The following AKR1D1 variants were observed in gnomAD, a reference collection of about 807,000 sequenced individuals.
AKR1D1 encodes the protein aldo-keto reductase family 1 member D1, also known as delta(4)-3-ketosteroid 5-beta-reductase.
AKR1D1 carries 32 observed loss-of-function variants against 42.6 expected under a neutral mutation model. The ratio of observed to expected loss-of-function variants is 0.75; its 90% CI spans 0.57 to 1.01. AKR1D1 has a LOEUF of 1.01. Ranked by LOEUF, AKR1D1 falls within the 50% of genes least tolerant of loss-of-function variation. The pLI, the probability that AKR1D1 is intolerant of heterozygous loss-of-function variation, is 0.00. For synonymous variants in AKR1D1, 123 were observed against 135.5 expected, an observed-to-expected ratio of 0.91 and a Z score of 0.64; for missense variants, 364 against 402.2, an observed-to-expected ratio of 0.91 and a Z score of 0.81.
chr7:138,113,644 C>T, intron 7 of AKR1D1, 46 bp from the exon 8 acceptor site: 1 of 1,562,906 alleles, frequency 6.4e-7, no homozygotes, highest in Non-Finnish European at 8.8e-7. Flanking sequence ...ACTTTCTGAT[C>T]CCAAGCTTGA....
At chr7:138,092,393 T>C (rs1794101894) in intron 3 of AKR1D1, among the ~76,000 whole-genome samples, 1 of 152,212 alleles carries the variant, frequency 6.6e-6, no homozygotes. Context: ...ATTTCTAACC[T>C]AAGTCTTAAA....
chr7:138,103,917 G>T (rs1423261494), intron 4 of AKR1D1, among the ~76,000 whole-genome samples: 1 of 152,074 alleles, frequency 6.6e-6, no homozygotes, highest in African/African-American at 2.4e-5. Context: ...ATCACTTGAG[G>T]CCAGGAGTTT....
chr7:138,100,848 G>A (rs958216642), intron 4 of AKR1D1, among the ~76,000 whole-genome samples: 9 of 151,478 alleles, frequency 5.9e-5, no homozygotes, highest in Admixed American at 4.0e-4. Context: ...GGGACTATAG[G>A]TGCCCGCCAC....
chr7:138,080,821 T>C (rs1034644948), intron 1 of AKR1D1, among the ~76,000 whole-genome samples: 1 of 152,340 alleles, frequency 6.6e-6, no homozygotes, highest in South Asian at 2.1e-4. Flanking sequence ...GATCTCACTA[T>C]GTTGCCCAGG....
chr7:138,090,377 C>G (rs1649729249), intron 2 of AKR1D1, among the ~76,000 whole-genome samples: 1 of 152,098 alleles, frequency 6.6e-6, no homozygotes, highest in African/African-American at 2.4e-5. Context: ...TGGCTCAAGC[C>G]TGTAATCCCA....
In AKR1D1 at chr7:138,097,849, T is replaced by A; in HGVS notation, c.379-17T>A. 1 of 111,984 alleles carries A rather than the reference T, an allele frequency of 8.9e-6. No homozygotes were observed. The highest frequency in any genetic ancestry group is 1.1e-5 in the Non-Finnish European group (1 of 94,764). The allele number at this position is 111,984 out of a possible 1,614,324, so 6.9% of individuals were successfully genotyped here. The stretch of plus-strand genomic sequence containing the variant: ...AAATAAAATGAATTACATTTATTCT[T>A]TTTTTTTTTTTTTCAGCCAGGAGAT... On this transcript the variant is annotated splice_polypyrimidine_tract_variant and intron_variant, in intron 3 of 8. Transcript: ENST00000242375.
Position 138,116,654 on chromosome 7 carries a change from G to A in AKR1D1, c.973G>A (p.Glu325Lys), listed in dbSNP as rs749118657. The A allele has an allele frequency of 2.5e-6, 4 of 1,614,160 alleles. No individual in the cohort carries two copies. Among genetic ancestry groups the A allele is most frequent in the Non-Finnish European group, 3.4e-6 (4 of 1,180,044 alleles). The change falls in exon 9 of 9, where the codon GAA becomes AAA. Residue 325 changes from glutamate (E) to lysine (K), a missense_variant. Transcript: ENST00000242375. ...TCATCCTGAATACCCATTTCATGAT[G>A]AATACTGACTGCAGGGAGTTCCTGA... ...RDHPEYPFHD[E>K]Y
intron 4 of AKR1D1, among the ~76,000 whole-genome samples, chr7:138,103,877 C>A (rs1794365502): frequency 6.6e-6 from 1 of 152,012 alleles, no homozygotes; most frequent in South Asian, 2.1e-4. Context: ...TGCCTATAAT[C>A]CCAGCACTTT....
At chr7:138,082,216 A>G (rs1271454250) in intron 1 of AKR1D1, among the ~76,000 whole-genome samples, 1 of 152,062 alleles carries the variant, frequency 6.6e-6, no homozygotes, top group Non-Finnish European at 1.5e-5. Context: ...TTAATTTTAG[A>G]TATCTTATCA....
At position 138,081,654 on chromosome 7, in the gene AKR1D1, G is replaced by A. The variant is rs560700964; in HGVS notation, c.93+5043G>A. Among the ~76,000 whole-genome samples the A allele has an allele frequency of 2.0e-5, 3 of 151,564 alleles. No individual in the cohort carries two copies. In the East Asian group the frequency reaches 5.8e-4, roughly 29 times the overall value. ...ACCAATTCTCCTGCCTCAGCCTCCT[G>A]AGTAGCTGGGACTACAGGTGTGCAC... On this transcript the variant is annotated intron_variant, in intron 1 of 8. Transcript: ENST00000242375.
chr7:138,104,662 A>G (rs563288580), intron 4 of AKR1D1, among the ~76,000 whole-genome samples: 94 of 147,832 alleles, frequency 6.4e-4, no homozygotes, highest in African/African-American at 2.3e-3. Flanking sequence ...CCTGGGCAAC[A>G]AGAGCAAAAC....
At chr7:138,105,850 A>C (rs1265941295) in intron 5 of AKR1D1, among the ~76,000 whole-genome samples, 2 of 152,090 alleles carry the variant, frequency 1.3e-5, no homozygotes, top group Non-Finnish European at 2.9e-5. Context: ...GCGCCACTGC[A>C]CTCCAGCCTG....
At chr7:138,083,287 G>A (rs1468133456) in intron 1 of AKR1D1, among the ~76,000 whole-genome samples, 6 of 152,126 alleles carry the variant, frequency 3.9e-5, no homozygotes, top group Non-Finnish European at 7.4e-5. Context: ...GCATTTCCCA[G>A]ATGAATAGTG....
intron 1 of AKR1D1, among the ~76,000 whole-genome samples, chr7:138,078,076 C>T (rs770270148): frequency 1.4e-4 from 22 of 152,172 alleles, no homozygotes; most frequent in Non-Finnish European, 3.1e-4. Flanking sequence ...ATCATTCTGA[C>T]TCAACCTCCT....
intron 2 of AKR1D1, among the ~76,000 whole-genome samples, chr7:138,090,394 T>A (rs1208220371): frequency 6.6e-6 from 1 of 152,132 alleles, no homozygotes; most frequent in African/African-American, 2.4e-5. Context: ...CCCAGCACTT[T>A]GGAAGGCAGA....
chr7:138,117,795 A>G lies in AKR1D1; in HGVS notation c.*1133A>G, dbSNP rs969668835. On this transcript the variant is annotated 3_prime_UTR_variant, in exon 9 of 9. Coordinates refer to ENST00000242375, the MANE Select transcript of AKR1D1 (RefSeq NM_005989.4). ...AGCACTTTGGGAGGCCAAGGTGGGC[A>G]GATCAGGAGGTCAGGAGATCGAGAC... is the stretch of plus-strand genomic sequence containing the variant. 40 of 152,148 alleles carry G rather than the reference A, an allele frequency of 2.6e-4. No homozygotes were observed. Among genetic ancestry groups the G allele is most frequent in the Admixed American group, 1.1e-3 (17 of 15,264 alleles). 9.4% of individuals were successfully genotyped at this position (152,148 alleles called of 1,614,324 possible).
At chr7:138,085,448 T>TTTA (rs1244669336) in intron 1 of AKR1D1, among the ~76,000 whole-genome samples, 1 of 142,222 alleles carries the variant, frequency 7.0e-6, no homozygotes, top group Non-Finnish European at 1.5e-5. Flanking sequence ...TTTCTTTCCT[T>TTTA]TTTTTTTTTT....
intron 2 of AKR1D1, among the ~76,000 whole-genome samples, 194 bp from the exon 3 acceptor site, chr7:138,091,571 TATA>T (rs1244707744): frequency 6.6e-6 from 1 of 151,820 alleles, no homozygotes; most frequent in Non-Finnish European, 1.5e-5. Flanking sequence ...GGCTGATGCT[TATA>T]ATCCCAGCAC....
At position 138,109,838 on chromosome 7, in the gene AKR1D1, T is replaced by C. The variant is rs373450940; in HGVS notation, c.855+2258T>C. ...GACTGAAAATTTTGCTGTTCAAAAATTATAGGAGTGTTACAAGTGACCTTT... is the reference window on the plus strand; with the variant it reads ...GACTGAAAATTTTGCTGTTCAAAAACTATAGGAGTGTTACAAGTGACCTTT... On this transcript the variant is annotated intron_variant, in intron 7 of 8. Coordinates refer to ENST00000242375, the MANE Select transcript of AKR1D1 (RefSeq NM_005989.4). Among the ~76,000 whole-genome samples, 12 of 152,252 alleles carry C rather than the reference T, an allele frequency of 7.9e-5. No homozygotes were observed. The South Asian group carries it at 2.3e-3, about 29-fold the overall frequency.
Sources: gnomAD v4.1 joint callset for allele counts (sites outside exome capture counted in the v4.1 genomes callset) on GRCh38, gnomAD v4.1.1 for gene constraint, MANE v1.5 for transcripts, NCBI Gene and HGNC (gene_info 2026-07-23, HGNC 2026-07-21) for gene names.